ATP12A: variants seen among roughly 807,000 people sequenced by gnomAD.
ATP12A encodes potassium-transporting ATPase alpha chain 2.
Under a neutral mutation model 111.2 loss-of-function variants are expected in ATP12A, and 81 were observed. That is an observed-to-expected ratio of 0.73 (90% CI 0.61 to 0.88). The LOEUF (loss-of-function observed/expected upper bound fraction) is 0.88. ATP12A is among the 40% of genes least tolerant of loss of function. The pLI, the probability that ATP12A is intolerant of heterozygous loss-of-function variation, is 0.00. For missense variants in ATP12A, 1,196 were observed against 1,313.1 expected, an observed-to-expected ratio of 0.91 and a Z score of 1.38; for synonymous variants, 498 against 499.8, an observed-to-expected ratio of 1.00 and a Z score of 0.05.
intron 14 of ATP12A, among the ~76,000 whole-genome samples, chr13:24,705,705 T>C (rs1017535670): frequency 6.6e-6 from 1 of 152,194 alleles, no homozygotes; most frequent in African/African-American, 2.4e-5. Context: ...GGTCTCACTT[T>C]GTCACCCAGG....
chr13:24,684,251 T>C (rs1214831132), intron 2 of ATP12A, among the ~76,000 whole-genome samples: 1 of 152,036 alleles, frequency 6.6e-6, no homozygotes, highest in Non-Finnish European at 1.5e-5. Context: ...TCAGTATTAG[T>C]AGAAGGGATG....
intron 2 of ATP12A, among the ~76,000 whole-genome samples, chr13:24,682,258 T>G (rs539296888): frequency 0.032 from 4,439 of 139,558 alleles, 293 homozygotes; most frequent in African/African-American, 0.11. Context: ...GTGTGTAGCG[T>G]GTGGTGTGTG....
intron 2 of ATP12A, among the ~76,000 whole-genome samples, chr13:24,683,566 G>C (rs1174677144): frequency 6.6e-6 from 1 of 152,252 alleles, no homozygotes; most frequent in South Asian, 2.1e-4. Context: ...TGGAGAGTTT[G>C]TTAAACATTT....
intron 11 of ATP12A, 132 bp downstream of exon 11, chr13:24,694,710 AG>A (rs1875062693): frequency 7.3e-7 from 1 of 1,379,074 alleles, no homozygotes; most frequent in South Asian, 1.3e-5. Flanking sequence ...TACAGCACCC[AG>A]GCATCTGGTC....
In ATP12A at chr13:24,682,095, TG is replaced by T. The variant is rs1420429071; in HGVS notation, c.168+376del. On this transcript the variant is annotated intron_variant, in intron 2 of 22. Transcript: ENST00000381946. The stretch of plus-strand genomic sequence containing the variant: ...ATGGTGTGTGTATGTGTGGTGTGTG[TG>T]ATGTGTGTGTGATGTGTGTGTGGTG... Among the ~76,000 whole-genome samples the T allele has an allele frequency of 8.7e-5, 8 of 91,886 alleles. 1 individual carries two copies. Among genetic ancestry groups the T allele is most frequent in the African/African-American group, 3.8e-4 (8 of 20,922 alleles). 60.3% of individuals were successfully genotyped at this position (91,886 alleles called of 152,430 possible).
intron 14 of ATP12A, among the ~76,000 whole-genome samples, chr13:24,703,245 T>A (rs1216528993): frequency 2.6e-5 from 4 of 152,188 alleles, no homozygotes; most frequent in Non-Finnish European, 4.4e-5. Flanking sequence ...TTTGTTTGTT[T>A]GTTTGTTTGT....
At chr13:24,691,332 A>G in intron 8 of ATP12A, 82 bp downstream of exon 8, 1 of 1,477,904 alleles carries the variant, frequency 6.8e-7, no homozygotes, top group Non-Finnish European at 9.0e-7. Context: ...ACAAACTGCA[A>G]TCTCCCCCAA....
At position 24,702,021 on chromosome 13, in the gene ATP12A, G is replaced by A. The variant is rs745848070; in HGVS notation, c.1968G>A (p.Val656=). The change falls in exon 14 of 23, where the codon GTG becomes GTA. Residue 656 remains valine (V), a synonymous_variant. Transcript: ENST00000381946. ...TCATTTCAGCCAACAGTGAAACAGTGGAAGACATTGCACATCGCCTCAACA... is the reference window on the plus strand; with the variant it reads ...TCATTTCAGCCAACAGTGAAACAGTAGAAGACATTGCACATCGCCTCAACA... ...VGIISANSET[V]EDIAHRLNIA... 16 of 1,614,248 alleles carry A rather than the reference G, an allele frequency of 9.9e-6. No individual in the cohort carries two copies. Among genetic ancestry groups the A allele is most frequent in the Non-Finnish European group, 1.4e-5 (16 of 1,180,048 alleles).
At chr13:24,680,898 G>A in intron 1 of ATP12A, 146 bp downstream of exon 1, 3 of 1,306,262 alleles carry the variant, frequency 2.3e-6, no homozygotes, top group South Asian at 1.8e-5. Flanking sequence ...TCCTCTGAGC[G>A]CCCCCCGGCC....
intron 5 of ATP12A, among the ~76,000 whole-genome samples, 184 bp from the exon 6 acceptor site, chr13:24,690,154 C>T (rs1296329667): frequency 2.6e-5 from 4 of 152,114 alleles, no homozygotes; most frequent in South Asian, 4.1e-4. Flanking sequence ...CTGACAGCCT[C>T]ATGCTCCAGC....
intron 13 of ATP12A, 34 bp from the exon 14 acceptor site, chr13:24,701,901 T>TA (rs1202400937): frequency 6.2e-7 from 1 of 1,613,660 alleles, no homozygotes; most frequent in Admixed American, 1.7e-5. Context: ...GAGTTCTTCA[T>TA]TACCCGTGGG....
At chr13:24,684,926 A>G (rs146881448) in intron 2 of ATP12A, among the ~76,000 whole-genome samples, 69 of 152,340 alleles carry the variant, frequency 4.5e-4, no homozygotes, top group African/African-American at 1.5e-3. Context: ...TGGTTTTGCC[A>G]TCAGCCCCAG....
intron 8 of ATP12A, among the ~76,000 whole-genome samples, chr13:24,691,523 A>C (rs1874904180): frequency 6.6e-6 from 1 of 152,240 alleles, no homozygotes; most frequent in East Asian, 1.9e-4. Context: ...TAGATAAGAC[A>C]GACTCCACCA....
At chr13:24,681,486 AC>A in intron 1 of ATP12A, 75 bp from the exon 2 acceptor site, 2 of 1,526,718 alleles carry the variant, frequency 1.3e-6, no homozygotes, top group Non-Finnish European at 1.8e-6. Flanking sequence ...GCAGGTCCTG[AC>A]CCCGCAGAGG....
rs1874825790 is a variant in ATP12A at position 24,690,336 on chromosome 13, A to G, written c.547-2A>G. ...GGCATCTGTCATGGTTTTTTTCTGC[A>G]GCAAGCTCTCGTCATCCGAGATTCC... On this transcript the variant is annotated splice_acceptor_variant, in intron 5 of 22. Coordinates refer to ENST00000381946, the MANE Select transcript of ATP12A (RefSeq NM_001676.7). LOFTEE classifies it high-confidence loss of function. 1.2e-6 allele frequency: 2 copies of G among 1,613,020 alleles called. No individual in the cohort carries two copies. The highest frequency in any genetic ancestry group is 1.7e-6 in the Non-Finnish European group (2 of 1,179,774).
intron 12 of ATP12A, 94 bp downstream of exon 12, chr13:24,698,944 C>T: frequency 7.0e-7 from 1 of 1,421,232 alleles, no homozygotes; most frequent in Non-Finnish European, 9.6e-7. Context: ...GTGGCCATGG[C>T]ATCCACGTGA....
chr13:24,701,020 C>A, intron 13 of ATP12A, 98 bp downstream of exon 13: 2 of 1,297,556 alleles, frequency 1.5e-6, no homozygotes, highest in Non-Finnish European at 2.1e-6. Context: ...TAGGTGTCTT[C>A]AAGTAAATAT....
At position 24,690,379 on chromosome 13, in the gene ATP12A, T is replaced by C. The variant is rs1253130787; in HGVS notation, c.588T>C (p.Pro196=). The C allele has an allele frequency of 1.9e-6, 3 of 1,613,310 alleles. No homozygotes were observed. The highest frequency in any genetic ancestry group is 3.3e-5 in the Admixed American group (2 of 59,878). The change falls in exon 6 of 23, where the codon CCT becomes CCC. Residue 196 remains proline (P), a synonymous_variant. Transcript: ENST00000381946. ...GAGATTCCGAGAAGAAGACCATCCC[T>C]TCAGAGCAGCTGGTGGTGGGGGACA... ...VIRDSEKKTI[P]SEQLVVGDIV...
chr13:24,691,553 C>T lies in ATP12A; in HGVS notation c.1068+303C>T, dbSNP rs922009156. On this transcript the variant is annotated intron_variant, in intron 8 of 22. Coordinates refer to ENST00000381946, the MANE Select transcript of ATP12A (RefSeq NM_001676.7). ...CCACCATTCACAGGTTTTCTAGAAGCTTGATGCCTTCCGCACATTTCTTTG... is the reference window on the plus strand; with the variant it reads ...CCACCATTCACAGGTTTTCTAGAAGTTTGATGCCTTCCGCACATTTCTTTG... Among the ~76,000 whole-genome samples the T allele has an allele frequency of 5.3e-5, 8 of 152,270 alleles. No individual in the cohort carries two copies. In the South Asian group the frequency reaches 1.5e-3, roughly 28 times the overall value.
Sources: gnomAD v4.1 joint callset for allele counts (sites outside exome capture counted in the v4.1 genomes callset) on GRCh38, gnomAD v4.1.1 for gene constraint, MANE v1.5 for transcripts, NCBI Gene and HGNC (gene_info 2026-07-23, HGNC 2026-07-21) for gene names.